Variants in SEMA3E observed in about 807,000 individuals in gnomAD.
SEMA3E encodes the protein semaphorin 3E.
Under a neutral mutation model 93.6 loss-of-function variants are expected in SEMA3E, and 49 were observed. That is an observed-to-expected ratio of 0.52 (90% CI 0.42 to 0.66). The LOEUF is 0.66. Among genes scored for constraint, SEMA3E ranks in the 30% least tolerant of loss-of-function variants. SEMA3E has a pLI of 0.00. For missense variants in SEMA3E, 906 were observed against 964.8 expected (o/e 0.94, Z 0.81); for synonymous variants, 363 against 330.7 (o/e 1.10, Z -1.06).
chr7:83,582,126 A>T (rs1365392997), intron 1 of SEMA3E, among the ~76,000 whole-genome samples: 1 of 151,784 alleles, frequency 6.6e-6, no homozygotes, highest in East Asian at 1.9e-4. Context: ...TTTTTCCCAT[A>T]TATAAAAGGA....
intron 4 of SEMA3E, among the ~76,000 whole-genome samples, chr7:83,439,658 T>C (rs536986457): frequency 6.6e-6 from 1 of 152,368 alleles, no homozygotes; most frequent in Admixed American, 6.5e-5. Flanking sequence ...AGTTACATAC[T>C]TGAAATGAGA....
intron 9 of SEMA3E, among the ~76,000 whole-genome samples, chr7:83,403,099 G>T (rs1445048411): frequency 6.6e-6 from 1 of 151,604 alleles, no homozygotes; most frequent in Non-Finnish European, 1.5e-5. Flanking sequence ...TATTAACAAA[G>T]GCTTATTCCC....
At chr7:83,469,332 C>A (rs753042291) in intron 2 of SEMA3E, 30 bp from the exon 3 acceptor site, 1 of 1,444,394 alleles carries the variant, frequency 6.9e-7, no homozygotes, top group Non-Finnish European at 9.7e-7. Context: ...ACTATTATGA[C>A]AACTGCATAT....
At chr7:83,636,359 T>C (rs1209549357) in intron 1 of SEMA3E, among the ~76,000 whole-genome samples, 1 of 152,092 alleles carries the variant, frequency 6.6e-6, no homozygotes, top group Non-Finnish European at 1.5e-5. Flanking sequence ...CACTATCATT[T>C]CATTTTCTGC....
At chr7:83,612,975 A>G (rs941425381) in intron 1 of SEMA3E, among the ~76,000 whole-genome samples, 1 of 152,128 alleles carries the variant, frequency 6.6e-6, no homozygotes. Flanking sequence ...ATTTGAATTC[A>G]GTTTTGTCAT....
chr7:83,386,222 T>C (rs1266671722), intron 15 of SEMA3E, among the ~76,000 whole-genome samples: 2 of 152,120 alleles, frequency 1.3e-5, no homozygotes, highest in Admixed American at 1.3e-4. Context: ...AGTCCTCCAC[T>C]GAATCCTGAG....
intron 1 of SEMA3E, among the ~76,000 whole-genome samples, chr7:83,506,501 T>C (rs1393342673): frequency 6.6e-6 from 1 of 151,672 alleles, no homozygotes; most frequent in Non-Finnish European, 1.5e-5. Flanking sequence ...GATGTGAGGA[T>C]GGTTAATGGA....
chr7:83,448,092 A>T (rs1244226021), intron 4 of SEMA3E, among the ~76,000 whole-genome samples: 1 of 152,242 alleles, frequency 6.6e-6, no homozygotes, highest in Non-Finnish European at 1.5e-5. Context: ...GTGGAAAGTA[A>T]AACCTGACAA....
At chr7:83,581,789 G>GT (rs371406819) in intron 1 of SEMA3E, among the ~76,000 whole-genome samples, 146 of 152,036 alleles carry the variant, frequency 9.6e-4, no homozygotes, top group African/African-American at 3.4e-3. Context: ...AAAACTCCCT[G>GT]TGAAACAATC....
At chr7:83,389,662 TACAC>T (rs1012128455) in intron 14 of SEMA3E, among the ~76,000 whole-genome samples, 4 of 150,934 alleles carry the variant, frequency 2.7e-5, no homozygotes, top group Admixed American at 2.0e-4. Context: ...CATGTATACA[TACAC>T]ACATATACAC....
chr7:83,437,355 T>C (rs1789025545), intron 4 of SEMA3E, among the ~76,000 whole-genome samples: 1 of 152,124 alleles, frequency 6.6e-6, no homozygotes, highest in Non-Finnish European at 1.5e-5. Flanking sequence ...TAAAAAACAT[T>C]AAAAGTTTGT....
intron 1 of SEMA3E, among the ~76,000 whole-genome samples, chr7:83,535,104 T>C (rs1008260954): frequency 6.6e-6 from 1 of 152,188 alleles, no homozygotes; most frequent in African/African-American, 2.4e-5. Context: ...ATATGCTAAA[T>C]GTGAAATCAG....
At chr7:83,400,388 T>C (rs1788215077) in intron 10 of SEMA3E, 138 bp from the exon 11 acceptor site, 5 of 811,316 alleles carry the variant, frequency 6.2e-6, no homozygotes, top group African/African-American at 1.7e-5. Flanking sequence ...AGTAATCATA[T>C]ATTTTTCTTT....
At chr7:83,386,841 A>G (rs1171493327) in intron 15 of SEMA3E, 142 bp downstream of exon 15, 5 of 781,430 alleles carry the variant, frequency 6.4e-6, no homozygotes, top group African/African-American at 1.8e-5. Flanking sequence ...TTTTAACTAC[A>G]TGTCAGAGAA....
At chr7:83,575,949 T>C (rs1362870726) in intron 1 of SEMA3E, among the ~76,000 whole-genome samples, 1 of 152,172 alleles carries the variant, frequency 6.6e-6, no homozygotes, top group Non-Finnish European at 1.5e-5. Flanking sequence ...TGGTGAAGCA[T>C]TTATTGAATT....
At chr7:83,609,642 C>A (rs986642995) in intron 1 of SEMA3E, among the ~76,000 whole-genome samples, 10 of 151,802 alleles carry the variant, frequency 6.6e-5, no homozygotes, top group African/African-American at 2.4e-4. Flanking sequence ...TTGTGATCAA[C>A]GGTGATTAAT....
intron 16 of SEMA3E, chr7:83,371,835 G>C (rs1794753309): frequency 6.5e-6 from 1 of 153,000 alleles, no homozygotes; most frequent in Admixed American, 6.6e-5. Context: ...TTTCCTTCCA[G>C]GCTTAACTAA....
chr7:83,419,242 G>A (rs1232852545), intron 4 of SEMA3E, among the ~76,000 whole-genome samples: 1 of 152,048 alleles, frequency 6.6e-6, no homozygotes, highest in Admixed American at 6.6e-5. Flanking sequence ...TCTTTTTTAT[G>A]GCTGTGTAGT....
chr7:83,590,907 T>C (rs950011814), intron 1 of SEMA3E, among the ~76,000 whole-genome samples: 5 of 152,140 alleles, frequency 3.3e-5, no homozygotes, highest in African/African-American at 9.7e-5. Flanking sequence ...TCTGTGTTAC[T>C]TGAAGTTTAA....
Sources: allele counts gnomAD v4.1 joint callset (sites outside exome capture counted in the v4.1 genomes callset), GRCh38; gene constraint gnomAD v4.1.1; transcripts MANE v1.5; gene names NCBI Gene and HGNC (gene_info 2026-07-23, HGNC 2026-07-21).